IMMP2L: variants seen among roughly 807,000 people sequenced by gnomAD.
IMMP2L encodes the protein inner mitochondrial membrane peptidase subunit 2.
Under a neutral mutation model 19.3 loss-of-function variants are expected in IMMP2L, and 18 were observed. The ratio of observed to expected loss-of-function variants is 0.93; its 90% CI spans 0.64 to 1.38. IMMP2L has a LOEUF of 1.38. Among genes scored for constraint, IMMP2L ranks in the 40% most tolerant of loss-of-function variants. The pLI is 0.00. For synonymous variants in IMMP2L, 76 were observed against 73.0 expected (o/e 1.04, Z -0.21); for missense variants, 233 against 218.2 (o/e 1.07, Z -0.43).
At chr7:111,510,476 T>A (rs1845340859) in intron 2 of IMMP2L, among the ~76,000 whole-genome samples, 1 of 152,088 alleles carries the variant, frequency 6.6e-6, no homozygotes. Context: ...AAAAAAAACA[T>A]TCCTAGCTGG....
intron 1 of IMMP2L, among the ~76,000 whole-genome samples, chr7:111,561,028 G>T (rs1262784745): frequency 6.6e-6 from 1 of 152,110 alleles, no homozygotes; most frequent in African/African-American, 2.4e-5. Context: ...AATTTAAAAC[G>T]GTTATTTATA....
intron 3 of IMMP2L, among the ~76,000 whole-genome samples, chr7:111,460,906 A>T (rs1440115418): frequency 6.6e-6 from 1 of 152,224 alleles, no homozygotes; most frequent in East Asian, 1.9e-4. Context: ...GCATTTTAGT[A>T]TAGTTCCTTC....
chr7:111,099,337 T>C (rs1797730433), intron 3 of IMMP2L, among the ~76,000 whole-genome samples: 1 of 151,714 alleles, frequency 6.6e-6, no homozygotes. Context: ...CTGAATACAA[T>C]TTCATTGCTA....
chr7:111,347,494 C>A (rs1363852430), intron 3 of IMMP2L, among the ~76,000 whole-genome samples: 1 of 152,028 alleles, frequency 6.6e-6, no homozygotes, highest in Non-Finnish European at 1.5e-5. Flanking sequence ...GACCTGACTA[C>A]TTGAGCAGAA....
At chr7:111,414,627 C>G (rs1443734303) in intron 3 of IMMP2L, among the ~76,000 whole-genome samples, 1 of 151,762 alleles carries the variant, frequency 6.6e-6, no homozygotes, top group Non-Finnish European at 1.5e-5. Flanking sequence ...ATCCATAGAG[C>G]TGTACAACAC....
intron 3 of IMMP2L, among the ~76,000 whole-genome samples, chr7:111,466,185 G>A (rs1840641896): frequency 1.3e-5 from 2 of 152,088 alleles, no homozygotes; most frequent in South Asian, 4.1e-4. Flanking sequence ...TGGGGTGGAG[G>A]GAGCGGGGAG....
rs149622544 is a variant in IMMP2L, at chr7:110,664,077, C to T, written c.409-356G>A. Among the ~76,000 whole-genome samples, 5 of 152,096 alleles carry T rather than the reference C, an allele frequency of 3.3e-5. No individual in the cohort carries two copies. The East Asian group carries it at 7.8e-4, about 24-fold the overall frequency. ...CCAAGCGGTTAGTCTGTGTTTAGAACCAAGCAGTTTGACTCGAGTCCACCA... is the reference window on the plus strand; with the variant it reads ...CCAAGCGGTTAGTCTGTGTTTAGAATCAAGCAGTTTGACTCGAGTCCACCA... On this transcript the variant is annotated intron_variant, in intron 5 of 5. Coordinates refer to ENST00000405709, the MANE Select transcript of IMMP2L (RefSeq NM_032549.4).
intron 3 of IMMP2L, among the ~76,000 whole-genome samples, chr7:111,298,620 G>GAAC (rs1409271864): frequency 3.3e-5 from 5 of 151,942 alleles, no homozygotes; most frequent in African/African-American, 1.2e-4. Context: ...GCTGGGCATG[G>GAAC]TGGCAGGTGC....
chr7:110,873,165 C>T (rs555034337), intron 5 of IMMP2L, among the ~76,000 whole-genome samples: 1 of 152,108 alleles, frequency 6.6e-6, no homozygotes, highest in East Asian at 1.9e-4. Flanking sequence ...AAGAAAATCC[C>T]AGCACCTTGG....
chr7:111,219,442 G>T (rs1812291820), intron 3 of IMMP2L, among the ~76,000 whole-genome samples: 1 of 151,924 alleles, frequency 6.6e-6, no homozygotes, highest in Non-Finnish European at 1.5e-5. Flanking sequence ...TAATATTTCT[G>T]CATTGGTTTG....
At chr7:110,794,741 T>C (rs1269200643) in intron 5 of IMMP2L, among the ~76,000 whole-genome samples, 1 of 152,060 alleles carries the variant, frequency 6.6e-6, no homozygotes, top group Non-Finnish European at 1.5e-5. Context: ...ATGTTTTGAT[T>C]ATGAGATGAA....
chr7:111,300,845 G>T (rs1406980875), intron 3 of IMMP2L, among the ~76,000 whole-genome samples: 1 of 152,150 alleles, frequency 6.6e-6, no homozygotes, highest in Admixed American at 6.6e-5. Flanking sequence ...ACTGACAGTT[G>T]CAGAACATTC....
intron 3 of IMMP2L, among the ~76,000 whole-genome samples, chr7:110,978,215 T>C (rs540287773): frequency 2.6e-5 from 4 of 152,158 alleles, no homozygotes; most frequent in African/African-American, 7.2e-5. Flanking sequence ...ACTGTTTCAA[T>C]GTTTTCTTTT....
chr7:110,951,544 T>C (rs1436260041), intron 4 of IMMP2L, among the ~76,000 whole-genome samples: 2 of 151,708 alleles, frequency 1.3e-5, no homozygotes, highest in East Asian at 3.9e-4. Flanking sequence ...ATATGGTGTG[T>C]GTGTGTGTGT....
At chr7:111,356,003 TG>T (rs939425528) in intron 3 of IMMP2L, among the ~76,000 whole-genome samples, 1 of 152,028 alleles carries the variant, frequency 6.6e-6, no homozygotes, top group African/African-American at 2.4e-5. Context: ...TTAAGCGACA[TG>T]GGGTTCCACA....
At chr7:110,832,409 T>C (rs927437451) in intron 5 of IMMP2L, among the ~76,000 whole-genome samples, 1 of 152,170 alleles carries the variant, frequency 6.6e-6, no homozygotes. Flanking sequence ...GTTCAGGACG[T>C]CCCAGTATGT....
intron 3 of IMMP2L, among the ~76,000 whole-genome samples, chr7:111,329,902 A>C (rs1388309725): frequency 6.6e-6 from 1 of 151,878 alleles, no homozygotes; most frequent in Non-Finnish European, 1.5e-5. Flanking sequence ...GCATAAAAAG[A>C]AAATTGAAAA....
At chr7:111,422,109 C>A (rs910188024) in intron 3 of IMMP2L, among the ~76,000 whole-genome samples, 4 of 151,764 alleles carry the variant, frequency 2.6e-5, no homozygotes. Context: ...CAGTACCATG[C>A]TGTTTTGGTT....
chr7:111,546,475 T>C (rs1345214644), intron 1 of IMMP2L, among the ~76,000 whole-genome samples: 1 of 152,212 alleles, frequency 6.6e-6, no homozygotes, highest in African/African-American at 2.4e-5. Flanking sequence ...TTGTTGGTCT[T>C]CTTCCCATTG....
Sources: allele counts gnomAD v4.1 joint callset (sites outside exome capture counted in the v4.1 genomes callset), GRCh38; gene constraint gnomAD v4.1.1; transcripts MANE v1.5; gene names NCBI Gene and HGNC (gene_info 2026-07-23, HGNC 2026-07-21).